The following ENPEP variants were observed in gnomAD, a reference collection of about 807,000 sequenced individuals.
The protein encoded by ENPEP is glutamyl aminopeptidase, also known as AP-A.
A neutral mutation model predicts 114.5 loss-of-function variants in ENPEP; 103 were observed. The ratio of observed to expected loss-of-function variants is 0.90; its 90% CI spans 0.77 to 1.06. The LOEUF is 1.06. Among genes scored for constraint, ENPEP ranks in the 50% least tolerant of loss-of-function variants. The pLI, the probability that ENPEP is intolerant of heterozygous loss-of-function variation, is 0.00. For missense variants in ENPEP, 1,196 were observed against 1,161.3 expected (o/e 1.03, Z -0.43); for synonymous variants, 420 against 422.0 (o/e 1.00, Z 0.06).
chr4:110,522,519 G>A (rs1283757801), intron 10 of ENPEP, among the ~76,000 whole-genome samples: 1 of 152,092 alleles, frequency 6.6e-6, no homozygotes, highest in African/African-American at 2.4e-5. Flanking sequence ...GAAACTTGGA[G>A]GCAAATAATA....
chr4:110,514,863 A>C (rs1256117822), intron 7 of ENPEP, among the ~76,000 whole-genome samples: 2 of 152,166 alleles, frequency 1.3e-5, no homozygotes, highest in Non-Finnish European at 2.9e-5. Context: ...TAGACTACTG[A>C]GAAGAGAAAG....
rs867126200 is a variant in ENPEP at position 110,553,448 on chromosome 4, G to A, written c.2635G>A (p.Val879Ile). Residue 879 changes from valine (V) to isoleucine (I), a missense_variant, in exon 18 of 20, where the codon GTC (valine) becomes ATC (isoleucine). Val to Ile is a conservative substitution (Grantham distance 29). Coordinates refer to ENST00000265162, the MANE Select transcript of ENPEP (RefSeq NM_001977.4). ...NWIQLNWDYL[V>I]NRYTLNNRNL... ...GATACAACTCAACTGGGACTATCTA[G>A]TCAACAGGTGGGATGATCTGATGAT... 6.2e-7 allele frequency: 1 copy of A among 1,608,096 alleles called. No individual in the cohort carries two copies. Among genetic ancestry groups the A allele is most frequent in the Non-Finnish European group, 8.5e-7 (1 of 1,176,180 alleles).
chr4:110,506,908 T>G, intron 4 of ENPEP, 151 bp downstream of exon 4: 1 of 755,262 alleles, frequency 1.3e-6, no homozygotes, highest in Non-Finnish European at 2.0e-6. Flanking sequence ...CAAGTAAGCC[T>G]CCTGCCTCGG....
intron 3 of ENPEP, among the ~76,000 whole-genome samples, chr4:110,495,459 G>T (rs1412535919): frequency 1.3e-5 from 2 of 152,154 alleles, no homozygotes; most frequent in Admixed American, 6.5e-5. Context: ...GGTGGCTCAT[G>T]CCTATAATCC....
At chr4:110,535,431 A>AT (rs1472855839) in intron 11 of ENPEP, among the ~76,000 whole-genome samples, 1 of 152,110 alleles carries the variant, frequency 6.6e-6, no homozygotes, top group African/African-American at 2.4e-5. Context: ...CACTTTCTTC[A>AT]TTTTTTCAAG....
At chr4:110,545,649 G>T (rs1167184845) in intron 13 of ENPEP, among the ~76,000 whole-genome samples, 1 of 151,890 alleles carries the variant, frequency 6.6e-6, no homozygotes, top group African/African-American at 2.4e-5. Flanking sequence ...GCCTACTTTT[G>T]GTCCTCTCTG....
At chr4:110,520,409 A>G in intron 10 of ENPEP, 43 bp downstream of exon 10, 1 of 1,594,206 alleles carries the variant, frequency 6.3e-7, no homozygotes, top group Non-Finnish European at 8.6e-7. Flanking sequence ...GAAATTTGGC[A>G]GAAATATTGG....
intron 3 of ENPEP, among the ~76,000 whole-genome samples, chr4:110,492,446 G>T (rs1386093096): frequency 6.6e-6 from 1 of 152,194 alleles, no homozygotes; most frequent in Non-Finnish European, 1.5e-5. Flanking sequence ...GGGAAAATTT[G>T]CCTTTGCTTT....
intron 1 of ENPEP, among the ~76,000 whole-genome samples, chr4:110,484,407 T>C (rs1724424657): frequency 1.3e-5 from 2 of 152,248 alleles, no homozygotes; most frequent in Non-Finnish European, 2.9e-5. Context: ...AAAATCATAT[T>C]GGCTCTGAAC....
intron 13 of ENPEP, among the ~76,000 whole-genome samples, chr4:110,543,974 G>A (rs971184270): frequency 2.6e-5 from 4 of 152,000 alleles, no homozygotes; most frequent in South Asian, 4.1e-4. Context: ...CTGACTGTAC[G>A]TTGCCAATAA....
At chr4:110,489,210 G>GA (rs551689195) in intron 2 of ENPEP, among the ~76,000 whole-genome samples, 440 of 135,570 alleles carry the variant, frequency 3.2e-3, no homozygotes, top group African/African-American at 5.5e-3. Context: ...AATGTCTGGA[G>GA]AAAAAAAAAA....
intron 13 of ENPEP, among the ~76,000 whole-genome samples, chr4:110,544,762 G>A (rs1726991401): frequency 1.3e-5 from 2 of 152,082 alleles, no homozygotes; most frequent in Non-Finnish European, 2.9e-5. Context: ...AAGATGAAGT[G>A]AAAGAAAGCC....
rs1724114641 is a variant in ENPEP, at chr4:110,476,651, G to A, written c.237G>A (p.Pro79=). ...CTGCCCAGGACCAGGACATCTGCCC[G>A]GCCAGTGAGGATGAGAGCGGACAGT... is the stretch of plus-strand genomic sequence containing the variant. ...GPPAQDQDIC[P]ASEDESGQWK... Residue 79 remains proline (P), a synonymous_variant, in exon 1 of 20, where the codon CCG becomes CCA. Transcript: ENST00000265162. 8.1e-6 allele frequency: 13 copies of A among 1,614,050 alleles called. No individual in the cohort carries two copies. Among genetic ancestry groups the A allele is most frequent in the Non-Finnish European group, 1.0e-5 (12 of 1,180,048 alleles).
chr4:110,488,832 A>T lies in ENPEP; in HGVS notation c.786+150A>T, dbSNP rs980725026. 5 of 1,150,200 alleles carry T rather than the reference A, an allele frequency of 4.3e-6. No homozygotes were observed. The African/African-American group carries it at 7.9e-5, about 18-fold the overall frequency. 71.2% of individuals were successfully genotyped at this position (1,150,200 alleles called of 1,614,324 possible). On this transcript the variant is annotated intron_variant, in intron 2 of 19. Transcript: ENST00000265162. ...TAGCTGAGTGAAATACATTTTGGCA[A>T]TCTTTTTCTTTGAGTCCTAGAAGTC...
At chr4:110,529,132 G>A (rs1485141519) in intron 10 of ENPEP, among the ~76,000 whole-genome samples, 3 of 152,126 alleles carry the variant, frequency 2.0e-5, no homozygotes, top group South Asian at 2.1e-4. Context: ...TAGTCCCAGA[G>A]GCCATGTTTT....
intron 10 of ENPEP, among the ~76,000 whole-genome samples, chr4:110,530,081 G>A (rs150675807): frequency 8.7e-5 from 13 of 150,230 alleles, no homozygotes; most frequent in Non-Finnish European, 4.4e-5. Flanking sequence ...CGTCTAAAAA[G>A]AAAAAAAAAG....
intron 3 of ENPEP, among the ~76,000 whole-genome samples, chr4:110,494,021 C>G (rs1191391025): frequency 6.6e-6 from 1 of 152,100 alleles, no homozygotes; most frequent in Non-Finnish European, 1.5e-5. Flanking sequence ...AAAGTCATAA[C>G]AAAATTAAAC....
chr4:110,527,213 C>T lies in ENPEP; in HGVS notation c.1728-3985C>T, dbSNP rs143389984. On this transcript the variant is annotated intron_variant, in intron 10 of 19. Transcript: ENST00000265162. ...TCAGAATTATTAAATTAGCTGCTTC[C>T]AAGATGCCAGTTGACACCTGAACTG... Among the ~76,000 whole-genome samples, 109 of 152,162 alleles carry T rather than the reference C, an allele frequency of 7.2e-4. 2 individuals carry two copies. Among genetic ancestry groups the T allele is most frequent in the Admixed American group, 5.9e-3 (90 of 15,288 alleles).
chr4:110,506,628 GT>G lies in ENPEP; in HGVS notation c.919-6del. 6.3e-7 allele frequency: 1 copy of G among 1,592,748 alleles called. No homozygotes were observed. Among genetic ancestry groups the G allele is most frequent in the South Asian group, 1.2e-5 (1 of 86,336 alleles). On this transcript the variant is annotated splice_region_variant and splice_polypyrimidine_tract_variant and intron_variant, in intron 3 of 19. Coordinates refer to ENST00000265162, the MANE Select transcript of ENPEP (RefSeq NM_001977.4). ...ATTTTCACTGAATTTTTTGTGTTTT[GT>G]TTAATAGCTTACAATTTATGTCCAG...
Sources: allele counts gnomAD v4.1 joint callset (sites outside exome capture counted in the v4.1 genomes callset), GRCh38; gene constraint gnomAD v4.1.1; transcripts MANE v1.5; gene names NCBI Gene and HGNC (gene_info 2026-07-23, HGNC 2026-07-21).